The following TMEM109 variants were observed in gnomAD, a reference collection of about 807,000 sequenced individuals.
TMEM109 encodes voltage-gated monoatomic cation channel TMEM109.
TMEM109 carries 19 observed loss-of-function variants against 26.4 expected under a neutral mutation model. That is an observed-to-expected ratio of 0.72 (90% CI 0.50 to 1.06). The LOEUF (loss-of-function observed/expected upper bound fraction) is 1.06, where lower values mean the gene tolerates loss of function less well. Ranked by LOEUF, TMEM109 falls within the 50% of genes least tolerant of loss-of-function variation. The pLI, the probability that TMEM109 is intolerant of heterozygous loss-of-function variation, is 0.00. For synonymous variants in TMEM109, 129 were observed against 142.0 expected, an observed-to-expected ratio of 0.91 and a Z score of 0.65; for missense variants, 262 against 303.4, an observed-to-expected ratio of 0.86 and a Z score of 1.01.
At chr11:60,915,769 C>T (rs1856167531) in intron 1 of TMEM109, among the ~76,000 whole-genome samples, 2 of 152,168 alleles carry the variant, frequency 1.3e-5, no homozygotes, top group African/African-American at 4.8e-5. Context: ...GCGAAATGCC[C>T]CATCCTACCC....
rs930829046 is a variant in TMEM109 at position 60,914,197 on chromosome 11, C to T, written c.-80C>T. 6.6e-6 allele frequency: 1 copy of T among 152,228 alleles called. No individual in the cohort carries two copies. Among genetic ancestry groups the T allele is most frequent in the African/African-American group, 2.4e-5 (1 of 41,454 alleles). 9.4% of individuals were successfully genotyped at this position (152,228 alleles called of 1,614,324 possible). On this transcript the variant is annotated 5_prime_UTR_variant, in exon 1 of 4. Coordinates refer to ENST00000227525, the MANE Select transcript of TMEM109 (RefSeq NM_024092.3). ...ATGCGGAGAAGGTAAACCAGCGCCC[C>T]GAGTTGAGGCGCGGGTTTGGTGGCG...
chr11:60,920,076 C>G (rs1565115974), intron 2 of TMEM109, 146 bp downstream of exon 2: 1 of 671,348 alleles, frequency 1.5e-6, no homozygotes, highest in African/African-American at 1.8e-5. Context: ...CAGCACTTGT[C>G]TTTGAATTCC....
Position 60,921,041 on chromosome 11 carries a change from C to A in TMEM109, c.340+53C>A, listed in dbSNP as rs1856231406. On this transcript the variant is annotated intron_variant, in intron 3 of 3. Transcript: ENST00000227525. ...CCAGAGCTTTGCCTGTACTTTCCTA[C>A]TTGTGGGAGTTCATCTTTGTCAGGG... The A allele has an allele frequency of 8.1e-6, 12 of 1,472,844 alleles. No homozygotes were observed. In the East Asian group the frequency reaches 2.5e-4, roughly 31 times the overall value. The allele number at this position is 1,472,844 out of a possible 1,614,324, so 91.2% of individuals were successfully genotyped here.
chr11:60,920,914 CA>C lies in TMEM109; in HGVS notation c.267del (p.Ser90GlnfsTer18), dbSNP rs1856229074. 6.2e-7 allele frequency: 1 copy of C among 1,614,036 alleles called. No homozygotes were observed. Among genetic ancestry groups the C allele is most frequent in the Non-Finnish European group, 8.5e-7 (1 of 1,179,996 alleles). The stretch of plus-strand genomic sequence containing the variant: ...TCGTCCCAAGTGTTGTGGGCCATCT[CA>C]TCAGCCATTTCTGTGGCCTTCTTTG... ...ESSSQVLWAI[S>X]SAISVAFFAL... is the part of the protein sequence containing the mutation. On this transcript the variant is annotated frameshift_variant, in exon 3 of 4. Coordinates refer to ENST00000227525, the MANE Select transcript of TMEM109 (RefSeq NM_024092.3). LOFTEE classifies it high-confidence loss of function.
rs529459273 is a variant in TMEM109 at position 60,922,294 on chromosome 11, C to T, written c.*129C>T. On this transcript the variant is annotated 3_prime_UTR_variant, in exon 4 of 4. Transcript: ENST00000227525. The stretch of plus-strand genomic sequence containing the variant: ...GAACCTTCAGAACATTGATCCTTGC[C>T]GCAGCCCCACTAGCCAAGAGAAACA... 1.1e-5 allele frequency: 17 copies of T among 1,541,552 alleles called. No homozygotes were observed. The highest frequency in any genetic ancestry group is 6.0e-5 in the South Asian group (5 of 83,232).
Position 60,922,739 on chromosome 11 carries a change from C to G in TMEM109, c.*574C>G. On this transcript the variant is annotated 3_prime_UTR_variant, in exon 4 of 4. Transcript: ENST00000227525. ...ATAAAGGGTGGGGAAACAGGGTCCC[C>G]TGAGGCCTGTGGGGGCTGCAGGGGA... The G allele has an allele frequency of 4.7e-6, 1 of 212,756 alleles. No homozygotes were observed. The highest frequency in any genetic ancestry group is 9.7e-6 in the Non-Finnish European group (1 of 103,406). The allele number at this position is 212,756 out of a possible 1,614,324, so 13.2% of individuals were successfully genotyped here.
Position 60,922,908 on chromosome 11 carries a change from T to A in TMEM109, c.*743T>A. ...GAGCAGTCACTCTCAGAATCTTGATTCCCCATCAGCCAAAGCAAAAGATGG... is the reference window on the plus strand; with the variant it reads ...GAGCAGTCACTCTCAGAATCTTGATACCCCATCAGCCAAAGCAAAAGATGG... On this transcript the variant is annotated 3_prime_UTR_variant, in exon 4 of 4. Coordinates refer to ENST00000227525, the MANE Select transcript of TMEM109 (RefSeq NM_024092.3). 1 of 153,784 alleles carries A rather than the reference T, an allele frequency of 6.5e-6. No homozygotes were observed. The highest frequency in any genetic ancestry group is 6.4e-5 in the Admixed American group (1 of 15,506). The allele number at this position is 153,784 out of a possible 1,614,324, so 9.5% of individuals were successfully genotyped here.
intron 1 of TMEM109, among the ~76,000 whole-genome samples, chr11:60,916,260 G>C (rs1856173678): frequency 6.6e-6 from 1 of 152,158 alleles, no homozygotes; most frequent in African/African-American, 2.4e-5. Context: ...ATTGTTGTTA[G>C]AGTTAAATGA....
At chr11:60,916,993 G>A (rs1206873970) in intron 1 of TMEM109, among the ~76,000 whole-genome samples, 1 of 151,944 alleles carries the variant, frequency 6.6e-6, no homozygotes, top group Non-Finnish European at 1.5e-5. Flanking sequence ...CCTCATCTGC[G>A]ACCACTGGCA....
intron 1 of TMEM109, 33 bp from the exon 2 acceptor site, chr11:60,919,653 G>T (rs770948366): frequency 1.3e-6 from 2 of 1,546,156 alleles, no homozygotes; most frequent in Admixed American, 3.3e-5. Context: ...TGTCTACCAT[G>T]GCACTCAGCT....
At position 60,919,990 on chromosome 11, in the gene TMEM109, T is replaced by C. The variant is rs987586399; in HGVS notation, c.237+60T>C. 1.1e-5 allele frequency: 15 copies of C among 1,423,774 alleles called. No homozygotes were observed. In the African/African-American group the frequency reaches 2.1e-4, roughly 20 times the overall value. 88.2% of individuals were successfully genotyped at this position (1,423,774 alleles called of 1,614,324 possible). ...TAAGGAAAAATAAAAGAAGAAAGGT[T>C]GGTAATGGCCACCTCATCTTAGTTC... On this transcript the variant is annotated intron_variant, in intron 2 of 3. Coordinates refer to ENST00000227525, the MANE Select transcript of TMEM109 (RefSeq NM_024092.3).
chr11:60,921,376 C>T (rs1856235848), intron 3 of TMEM109, among the ~76,000 whole-genome samples: 1 of 152,116 alleles, frequency 6.6e-6, no homozygotes, highest in Non-Finnish European at 1.5e-5. Flanking sequence ...GCCGGGATCA[C>T]GTCACTGCAC....
chr11:60,917,902 A>G (rs576359566), intron 1 of TMEM109, among the ~76,000 whole-genome samples: 2 of 152,228 alleles, frequency 1.3e-5, no homozygotes, highest in South Asian at 2.1e-4. Flanking sequence ...GGCTCAAGCA[A>G]TCCTCCCACC....
At chr11:60,920,022 C>T in intron 2 of TMEM109, 92 bp downstream of exon 2, 1 of 1,079,576 alleles carries the variant, frequency 9.3e-7, no homozygotes, top group African/African-American at 1.6e-5. Flanking sequence ...GTTCCACATC[C>T]TCTCTGGTGC....
rs1856246585 is a variant in TMEM109 at position 60,921,990 on chromosome 11, C to T, written c.557C>T (p.Ala186Val). ...TCGGTGCCTGACCCTTCCACCCGGG[C>T]CCTGCTACTCCTGGCCTTGCTGATC... ...MRSVPDPSTR[A>V]LLLLALLILY... Residue 186 changes from alanine to valine, a missense_variant, in exon 4 of 4, where the codon GCC becomes GTC. Transcript: ENST00000227525. 6.2e-7 allele frequency: 1 copy of T among 1,613,376 alleles called. No homozygotes were observed. Among genetic ancestry groups the T allele is most frequent in the Non-Finnish European group, 8.5e-7 (1 of 1,179,948 alleles).
At chr11:60,919,571 G>C (rs974839526) in intron 1 of TMEM109, 115 bp from the exon 2 acceptor site, 4 of 835,182 alleles carry the variant, frequency 4.8e-6, no homozygotes, top group Admixed American at 4.0e-5. Context: ...TTCTTTCCAG[G>C]GTTAGTTTGG....
At chr11:60,921,347 G>C (rs1402358472) in intron 3 of TMEM109, among the ~76,000 whole-genome samples, 1 of 152,130 alleles carries the variant, frequency 6.6e-6, no homozygotes, top group Non-Finnish European at 1.5e-5. Flanking sequence ...TTGAGCCCAG[G>C]AGGTAGAGGT....
chr11:60,922,184 C>A lies in TMEM109; in HGVS notation c.*19C>A. On this transcript the variant is annotated 3_prime_UTR_variant, in exon 4 of 4. Transcript: ENST00000227525. ...GGAGTGAGCCGGATGCCCCACACACCGCCAGTGTCATACCAAAGAGCTGAG... is the reference window on the plus strand; with the variant it reads ...GGAGTGAGCCGGATGCCCCACACACAGCCAGTGTCATACCAAAGAGCTGAG... 1 of 1,563,288 alleles carries A rather than the reference C, an allele frequency of 6.4e-7. No individual in the cohort carries two copies. Among genetic ancestry groups the A allele is most frequent in the East Asian group, 2.4e-5 (1 of 41,454 alleles).
At chr11:60,921,388 C>A (rs78515645) in intron 3 of TMEM109, among the ~76,000 whole-genome samples, 1 of 152,252 alleles carries the variant, frequency 6.6e-6, no homozygotes, top group African/African-American at 2.4e-5. Context: ...TCACTGCACT[C>A]CAGCCTCGGC....
Sources: allele counts gnomAD v4.1 joint callset (sites outside exome capture counted in the v4.1 genomes callset), GRCh38; gene constraint gnomAD v4.1.1; transcripts MANE v1.5; gene names NCBI Gene and HGNC (gene_info 2026-07-23, HGNC 2026-07-21).